Variants in FOXK2 observed in about 807,000 individuals in gnomAD.
FOXK2 encodes forkhead box protein K2.
FOXK2 carries 24 observed loss-of-function variants against 53.3 expected under a neutral mutation model. That is an observed-to-expected ratio of 0.45 (90% CI 0.33 to 0.63). The LOEUF (loss-of-function observed/expected upper bound fraction) is 0.63, where lower values mean the gene tolerates loss of function less well. Among genes scored for constraint, FOXK2 ranks in the 30% least tolerant of loss-of-function variants. FOXK2 has a pLI of 0.03. For missense variants in FOXK2, 952 were observed against 910.5 expected (o/e 1.05, Z -0.59); for synonymous variants, 505 against 407.1 (o/e 1.24, Z -2.89).
At chr17:82,551,224 G>A (rs541812190) in intron 1 of FOXK2, among the ~76,000 whole-genome samples, 5 of 152,204 alleles carry the variant, frequency 3.3e-5, no homozygotes, top group African/African-American at 1.2e-4. Flanking sequence ...GGCTGAGGCA[G>A]GAGAATGGCG....
At chr17:82,589,842 TG>T (rs1567987466) in intron 8 of FOXK2, among the ~76,000 whole-genome samples, 1 of 152,212 alleles carries the variant, frequency 6.6e-6, no homozygotes, top group South Asian at 2.1e-4. Context: ...GATCAGGAGT[TG>T]GAGACCAGCC....
chr17:82,559,762 G>T (rs1378276132), intron 1 of FOXK2, among the ~76,000 whole-genome samples: 1 of 150,098 alleles, frequency 6.7e-6, no homozygotes, highest in Non-Finnish European at 1.5e-5. Flanking sequence ...CAGGTGATCA[G>T]TTTTATTATT....
At chr17:82,543,779 T>C (rs966958161) in intron 1 of FOXK2, among the ~76,000 whole-genome samples, 2 of 147,424 alleles carry the variant, frequency 1.4e-5, no homozygotes, top group Non-Finnish European at 3.0e-5. Flanking sequence ...CTTAGCTTTT[T>C]TTTTTTTTTT....
chr17:82,587,008 G>C (rs1161041106), intron 7 of FOXK2, 55 bp from the exon 8 acceptor site: 4 of 1,562,944 alleles, frequency 2.6e-6, no homozygotes, highest in Non-Finnish European at 3.5e-6. Flanking sequence ...AAACTGGCAA[G>C]ATTTTTATTT....
At chr17:82,567,816 G>A (rs1053853714) in intron 2 of FOXK2, among the ~76,000 whole-genome samples, 3 of 152,054 alleles carry the variant, frequency 2.0e-5, no homozygotes, top group East Asian at 1.9e-4. Flanking sequence ...ATGAGCTGAC[G>A]TTTATAGAAG....
intron 2 of FOXK2, among the ~76,000 whole-genome samples, chr17:82,567,154 C>T (rs1238561712): frequency 6.6e-6 from 1 of 152,140 alleles, no homozygotes; most frequent in Non-Finnish European, 1.5e-5. Flanking sequence ...GGAGTTGTTT[C>T]TCAGAGGTCA....
intron 1 of FOXK2, among the ~76,000 whole-genome samples, chr17:82,529,533 G>A (rs2044452281): frequency 6.6e-6 from 1 of 151,966 alleles, no homozygotes; most frequent in Non-Finnish European, 1.5e-5. Flanking sequence ...GGGATTACAG[G>A]CGCGTGCCCA....
intron 5 of FOXK2, among the ~76,000 whole-genome samples, 167 bp from the exon 6 acceptor site, chr17:82,583,846 C>T (rs1005088907): frequency 2.6e-5 from 4 of 152,194 alleles, no homozygotes; most frequent in Admixed American, 1.3e-4. Flanking sequence ...CCGAGTGTCC[C>T]GCTCAGTTCA....
intron 1 of FOXK2, among the ~76,000 whole-genome samples, chr17:82,558,309 A>C (rs903069799): frequency 6.6e-6 from 1 of 152,190 alleles, no homozygotes; most frequent in African/African-American, 2.4e-5. Flanking sequence ...CTGCACTCCA[A>C]CCTGGGCTAC....
At chr17:82,584,683 C>T (rs900281586) in intron 6 of FOXK2, among the ~76,000 whole-genome samples, 23 of 150,390 alleles carry the variant, frequency 1.5e-4, no homozygotes, top group African/African-American at 4.1e-4. Flanking sequence ...GCTGGGACTA[C>T]AGGCACACAC....
At chr17:82,520,376 C>CG in intron 1 of FOXK2, 69 bp downstream of exon 1, 1 of 1,182,744 alleles carries the variant, frequency 8.5e-7, no homozygotes, top group Non-Finnish European at 1.1e-6. Flanking sequence ...GGACGGGACA[C>CG]GCGCCCAGGC....
chr17:82,584,549 CTTT>C (rs34083156), intron 6 of FOXK2, among the ~76,000 whole-genome samples: 2,881 of 89,356 alleles, frequency 0.032, 13 homozygotes, highest in Non-Finnish European at 0.047. Context: ...AAAACATGTC[CTTT>C]TTTTTTTTTT....
intron 4 of FOXK2, among the ~76,000 whole-genome samples, chr17:82,575,090 C>T (rs1230543484): frequency 6.6e-6 from 1 of 152,196 alleles, no homozygotes; most frequent in African/African-American, 2.4e-5. Context: ...AACTACTATG[C>T]TTTTTCTTCT....
At chr17:82,545,717 G>A (rs2044617922) in intron 1 of FOXK2, among the ~76,000 whole-genome samples, 2 of 151,984 alleles carry the variant, frequency 1.3e-5, no homozygotes, top group African/African-American at 4.8e-5. Flanking sequence ...GAGTGGCTGG[G>A]ATTATAGGTA....
chr17:82,539,905 G>T (rs1012560457), intron 1 of FOXK2, among the ~76,000 whole-genome samples: 2 of 151,904 alleles, frequency 1.3e-5, no homozygotes, highest in African/African-American at 4.8e-5. Context: ...GGTGGAGGTT[G>T]CAGTGAGCTG....
intron 8 of FOXK2, among the ~76,000 whole-genome samples, chr17:82,592,894 TGCCGGGC>T: frequency 1.4e-5 from 2 of 144,090 alleles, no homozygotes; most frequent in Middle Eastern, 4.0e-3. Context: ...GGTCTCCCTG[TGCCGGGC>T]ACAGGCTCTT....
chr17:82,561,112 CAG>C (rs1234205649), intron 1 of FOXK2, among the ~76,000 whole-genome samples: 6 of 152,278 alleles, frequency 3.9e-5, no homozygotes, highest in African/African-American at 7.2e-5. Context: ...AGTGTCTTAA[CAG>C]GGGTTTTGGC....
At position 82,541,434 on chromosome 17, in the gene FOXK2, G is replaced by A. The variant is rs868663870; in HGVS notation, c.419+21127G>A. ...ATTACAGGCGCCCGCCATCACGCCC[G>A]GCTAATTTTTGTATTTTTAGTAGAG... On this transcript the variant is annotated intron_variant, in intron 1 of 8. Coordinates refer to ENST00000335255, the MANE Select transcript of FOXK2 (RefSeq NM_004514.4). Among the ~76,000 whole-genome samples, 11 of 151,866 alleles carry A rather than the reference G, an allele frequency of 7.2e-5. No individual in the cohort carries two copies. The South Asian group carries it at 8.3e-4, about 12-fold the overall frequency.
intron 4 of FOXK2, among the ~76,000 whole-genome samples, chr17:82,581,205 A>G (rs2045054980): frequency 6.6e-6 from 1 of 152,220 alleles, no homozygotes; most frequent in African/African-American, 2.4e-5. Flanking sequence ...ATTAATGTAA[A>G]TTCACGAAAT....
Sources: gnomAD v4.1 joint callset for allele counts (sites outside exome capture counted in the v4.1 genomes callset) on GRCh38, gnomAD v4.1.1 for gene constraint, MANE v1.5 for transcripts, NCBI Gene and HGNC (gene_info 2026-07-23, HGNC 2026-07-21) for gene names.